SGCD: variants seen among roughly 807,000 people sequenced by gnomAD.
The protein encoded by SGCD is sarcoglycan delta, also known as delta-sarcoglycan.
Under a neutral mutation model 36.6 loss-of-function variants are expected in SGCD, and 18 were observed. The observed-to-expected ratio is 0.49, with a 90% CI of 0.34 to 0.73. SGCD has a LOEUF of 0.73. SGCD is among the 30% of genes least tolerant of loss of function. The pLI, the probability that SGCD is intolerant of heterozygous loss-of-function variation, is 0.01. For synonymous variants in SGCD, 133 were observed against 130.6 expected (o/e 1.02, Z -0.12); for missense variants, 387 against 346.7 (o/e 1.12, Z -0.92).
chr5:155,729,745 C>G, the SGCD span, among the ~76,000 whole-genome samples: 2 of 152,216 alleles, frequency 1.3e-5, no homozygotes, highest in African/African-American at 4.8e-5. Context: ...GCTCCCTGCT[C>G]TCAGGCCCTA....
intron 3 of SGCD, among the ~76,000 whole-genome samples, chr5:156,279,858 A>G (rs2127672845): frequency 6.6e-6 from 1 of 152,204 alleles, no homozygotes; most frequent in South Asian, 2.1e-4. Context: ...AGGCAAAATA[A>G]TGGCCCACAC....
chr5:156,062,178 C>T lies in SGCD; in HGVS notation c.-281-55700C>T, dbSNP rs1410920550. On this transcript the variant is annotated intron_variant, in intron 1 of 9. Coordinates refer to the SGCD transcript ENST00000517913. ...GTTCCCACCTATGAGTGAGAATATG[C>T]GGTGTTTGGTTTTTTGTTCTTGCGA... Among the ~76,000 whole-genome samples, 8 of 84,346 alleles carry T rather than the reference C, an allele frequency of 9.5e-5. No homozygotes were observed. In the East Asian group the frequency reaches 1.4e-3, roughly 15 times the overall value. The allele number at this position is 84,346 out of a possible 152,430, so 55.3% of individuals were successfully genotyped here.
At chr5:156,700,136 C>A (rs570909856) in intron 7 of SGCD, among the ~76,000 whole-genome samples, 7 of 152,274 alleles carry the variant, frequency 4.6e-5, no homozygotes, top group Non-Finnish European at 1.0e-4. Context: ...TCTGTCTTCA[C>A]TGGGGCAGTA....
At chr5:155,907,347 C>T (rs1360852128) in intron 1 of SGCD, among the ~76,000 whole-genome samples, 2 of 152,000 alleles carry the variant, frequency 1.3e-5, no homozygotes, top group African/African-American at 4.8e-5. Flanking sequence ...AATTATGCAC[C>T]CATGGATCAA....
At chr5:156,449,900 C>G (rs1753933589) in intron 3 of SGCD, among the ~76,000 whole-genome samples, 1 of 150,824 alleles carries the variant, frequency 6.6e-6, no homozygotes, top group Admixed American at 6.6e-5. Context: ...AGAATTTCTC[C>G]AAAGCTGGTC....
intron 1 of SGCD, among the ~76,000 whole-genome samples, chr5:156,075,195 A>G (rs532565950): frequency 2.0e-5 from 3 of 152,278 alleles, no homozygotes; most frequent in Admixed American, 2.0e-4. Flanking sequence ...AAATTTACAA[A>G]AAAAAAATGC....
intron 7 of SGCD, among the ~76,000 whole-genome samples, chr5:156,741,284 C>T (rs1756660001): frequency 6.6e-6 from 1 of 152,164 alleles, no homozygotes; most frequent in Admixed American, 6.5e-5. Context: ...ACAATTTCAA[C>T]AAAAAATGAG....
At chr5:156,665,448 T>A (rs1042928803) in intron 7 of SGCD, among the ~76,000 whole-genome samples, 4 of 152,230 alleles carry the variant, frequency 2.6e-5, no homozygotes, top group South Asian at 2.1e-4. Context: ...TTAAACAGCT[T>A]CCAGGGGCAT....
chr5:155,965,692 G>A (rs1236663322), intron 1 of SGCD, among the ~76,000 whole-genome samples: 1 of 152,080 alleles, frequency 6.6e-6, no homozygotes, highest in Non-Finnish European at 1.5e-5. Flanking sequence ...ACTGTGCAGA[G>A]AATGCAGTTG....
At chr5:156,358,733 G>A (rs1769619786) in intron 3 of SGCD, among the ~76,000 whole-genome samples, 1 of 152,204 alleles carries the variant, frequency 6.6e-6, no homozygotes, top group Non-Finnish European at 1.5e-5. Flanking sequence ...CATAATTGAA[G>A]AGGGGCTTTC....
chr5:156,264,803 C>G (rs540222370), intron 3 of SGCD, among the ~76,000 whole-genome samples: 1 of 152,102 alleles, frequency 6.6e-6, no homozygotes, highest in Non-Finnish European at 1.5e-5. Context: ...AGGATTTTGT[C>G]AATTTTGTTC....
At chr5:156,069,574 T>C (rs1760468289) in intron 1 of SGCD, among the ~76,000 whole-genome samples, 1 of 152,110 alleles carries the variant, frequency 6.6e-6, no homozygotes, top group Admixed American at 6.5e-5. Flanking sequence ...TCCAGCTTTG[T>C]TCTTTTGGCT....
intron 1 of SGCD, among the ~76,000 whole-genome samples, chr5:155,990,368 A>G (rs907243616): frequency 6.6e-6 from 1 of 152,154 alleles, no homozygotes; most frequent in Non-Finnish European, 1.5e-5. Context: ...TTAAGATAAC[A>G]GTGCTTTTAT....
intron 1 of SGCD, among the ~76,000 whole-genome samples, chr5:156,052,955 T>C (rs1759960875): frequency 6.8e-6 from 1 of 146,202 alleles, no homozygotes; most frequent in East Asian, 1.9e-4. Flanking sequence ...AGGACCAATG[T>C]GTTGTGCCCC....
At chr5:156,049,293 G>C (rs1171546752) in intron 1 of SGCD, among the ~76,000 whole-genome samples, 3 of 145,998 alleles carry the variant, frequency 2.1e-5, no homozygotes, top group African/African-American at 7.4e-5. Context: ...GCTTAGGATT[G>C]ACTTGGTGAT....
chr5:156,524,733 T>C (rs893749628), intron 4 of SGCD, among the ~76,000 whole-genome samples: 3 of 151,942 alleles, frequency 2.0e-5, no homozygotes, highest in Admixed American at 2.0e-4. Flanking sequence ...TTGATGAACA[T>C]CTTGTTTCAC....
intron 1 of SGCD, among the ~76,000 whole-genome samples, chr5:155,918,768 C>T (rs937721281): frequency 1.3e-5 from 2 of 152,136 alleles, no homozygotes; most frequent in Non-Finnish European, 2.9e-5. Context: ...ATTTCTGATC[C>T]AGTTTTTCTC....
chr5:156,594,582 C>A (rs1760850068), intron 5 of SGCD, among the ~76,000 whole-genome samples: 1 of 152,120 alleles, frequency 6.6e-6, no homozygotes, highest in Non-Finnish European at 1.5e-5. Flanking sequence ...CCTCTGGTGC[C>A]TTGAGAAATG....
intron 3 of SGCD, among the ~76,000 whole-genome samples, chr5:156,207,747 C>G (rs1764327492): frequency 6.6e-6 from 1 of 152,054 alleles, no homozygotes; most frequent in Non-Finnish European, 1.5e-5. Context: ...CCTAAAATTA[C>G]AGGTAGGAGC....
Sources: allele counts gnomAD v4.1 joint callset (sites outside exome capture counted in the v4.1 genomes callset), GRCh38; gene constraint gnomAD v4.1.1; transcripts MANE v1.5; gene names NCBI Gene and HGNC (gene_info 2026-07-23, HGNC 2026-07-21).